Variants in MECOM observed in about 807,000 individuals in gnomAD.
MECOM encodes the protein MDS1 and EVI1 complex locus, also known as histone-lysine N-methyltransferase MECOM.
MECOM carries 13 observed loss-of-function variants against 116.3 expected under a neutral mutation model. The ratio of observed to expected loss-of-function variants is 0.11; its 90% confidence interval spans 0.07 to 0.18. MECOM has a LOEUF of 0.18. Among genes scored for constraint, MECOM ranks in the 10% least tolerant of loss-of-function variants. The probability of loss-of-function intolerance (pLI) is 1.00; values close to 1 mark genes in which losing one functional copy is unlikely to be tolerated. For synonymous variants in MECOM, 528 were observed against 535.2 expected (o/e 0.99, Z 0.19); for missense variants, 1,299 against 1,509.0 (o/e 0.86, Z 2.31).
At chr3:169,452,785 C>T (rs940730768) in intron 1 of MECOM, among the ~76,000 whole-genome samples, 10 of 152,142 alleles carry the variant, frequency 6.6e-5, no homozygotes, top group African/African-American at 2.4e-4. Flanking sequence ...GGGTATCATC[C>T]TTATTTTCAT....
chr3:169,567,398 A>G (rs369781269), intron 1 of MECOM, among the ~76,000 whole-genome samples: 12 of 152,154 alleles, frequency 7.9e-5, no homozygotes, highest in African/African-American at 1.7e-4. Flanking sequence ...CCGACTGAAG[A>G]CTCTTTTAAT....
intron 2 of MECOM, among the ~76,000 whole-genome samples, chr3:169,267,761 C>T (rs1758487252): frequency 7.7e-6 from 1 of 129,848 alleles, no homozygotes; most frequent in African/African-American, 4.7e-5. Flanking sequence ...TAGCATAGTC[C>T]ATTTTTTTTT....
intron 1 of MECOM, among the ~76,000 whole-genome samples, chr3:169,491,852 C>G (rs937451025): frequency 6.6e-6 from 1 of 152,200 alleles, no homozygotes; most frequent in Non-Finnish European, 1.5e-5. Flanking sequence ...CTATGAATCA[C>G]ATCACATTCA....
chr3:169,276,492 G>A (rs770477318), intron 2 of MECOM, among the ~76,000 whole-genome samples: 2 of 148,616 alleles, frequency 1.3e-5, no homozygotes, highest in African/African-American at 5.0e-5. Context: ...GGCAGAGGTT[G>A]CAGTGAGCTG....
Position 169,310,075 on chromosome 3 carries a change from C to T in MECOM, c.375+71112G>A, listed in dbSNP as rs191739962. ...ACTGTTAATACCCAGTGTTCCTTAA[C>T]TCTCTGTAACTACTAAAAGTAACCA... On this transcript the variant is annotated intron_variant, in intron 2 of 16. Transcript: ENST00000651503. 8.5e-5 allele frequency among the ~76,000 whole-genome samples: 13 copies of T among 152,308 alleles called. No individual in the cohort carries two copies. In the East Asian group the frequency reaches 2.3e-3, roughly 27 times the overall value.
At chr3:169,122,923 G>A (rs1358662991) in intron 5 of MECOM, among the ~76,000 whole-genome samples, 196 bp from the exon 6 acceptor site, 2 of 152,112 alleles carry the variant, frequency 1.3e-5, no homozygotes, top group Non-Finnish European at 2.9e-5. Context: ...CCTGGACTGT[G>A]TCACCAATAT....
At chr3:169,479,677 AT>A in intron 1 of MECOM, among the ~76,000 whole-genome samples, 1 of 122,864 alleles carries the variant, frequency 8.1e-6, no homozygotes, top group African/African-American at 3.0e-5. Flanking sequence ...AAAAAAAAAA[AT>A]TTGCCTGATT....
intron 2 of MECOM, among the ~76,000 whole-genome samples, chr3:169,241,208 G>A (rs574403698): frequency 2.6e-4 from 39 of 152,164 alleles, no homozygotes; most frequent in Non-Finnish European, 4.6e-4. Context: ...TTGAATAAGC[G>A]TTCAATCTTC....
rs185845703 is a variant in MECOM at position 169,568,629 on chromosome 3, G to A, written c.37+94707C>T. Among the ~76,000 whole-genome samples the A allele has an allele frequency of 4.9e-3, 743 of 152,230 alleles. 6 individuals are homozygous for A. Among genetic ancestry groups the A allele is most frequent in the African/African-American group, 0.016 (685 of 41,540 alleles). ...AACTTCCAACTAGGCACTGCCCACC[G>A]CAGCTCAGCAAAGCCACTGTAGCCA... On this transcript the variant is annotated intron_variant, in intron 1 of 16. Coordinates refer to ENST00000651503, the MANE Select transcript of MECOM (RefSeq NM_004991.4).
intron 2 of MECOM, among the ~76,000 whole-genome samples, chr3:169,176,134 C>T (rs1224225727): frequency 6.7e-6 from 1 of 149,026 alleles, no homozygotes; most frequent in East Asian, 2.0e-4. Flanking sequence ...CACACACACA[C>T]ATACACACCA....
intron 2 of MECOM, among the ~76,000 whole-genome samples, chr3:169,199,116 G>A (rs891179912): frequency 6.6e-6 from 1 of 152,002 alleles, no homozygotes; most frequent in Non-Finnish European, 1.5e-5. Flanking sequence ...AACATGTGGA[G>A]CATACTTATT....
intron 1 of MECOM, among the ~76,000 whole-genome samples, chr3:169,501,596 G>T (rs1754540438): frequency 6.6e-6 from 1 of 151,966 alleles, no homozygotes; most frequent in Non-Finnish European, 1.5e-5. Flanking sequence ...ATTGCATCTA[G>T]CTCAACAAGC....
intron 14 of MECOM, among the ~76,000 whole-genome samples, chr3:169,091,786 T>TA (rs1277873415): frequency 6.6e-6 from 1 of 152,096 alleles, no homozygotes; most frequent in African/African-American, 2.4e-5. Context: ...AGTGGTCATT[T>TA]TTTTTGTTAT....
At chr3:169,327,406 A>G (rs1026041220) in intron 2 of MECOM, among the ~76,000 whole-genome samples, 2 of 152,106 alleles carry the variant, frequency 1.3e-5, no homozygotes, top group Admixed American at 6.6e-5. Flanking sequence ...TTGGGAGGCC[A>G]AGGTGGGCAG....
At chr3:169,436,497 G>A (rs949898535) in intron 1 of MECOM, among the ~76,000 whole-genome samples, 1 of 152,090 alleles carries the variant, frequency 6.6e-6, no homozygotes, top group Non-Finnish European at 1.5e-5. Flanking sequence ...TGATCTGCCT[G>A]CTTCAGCCTC....
intron 1 of MECOM, among the ~76,000 whole-genome samples, chr3:169,399,180 T>C (rs971869908): frequency 6.6e-6 from 1 of 152,194 alleles, no homozygotes; most frequent in Non-Finnish European, 1.5e-5. Context: ...CTTCCCTCAG[T>C]GGCTGTAAAT....
At position 169,433,411 on chromosome 3, in the gene MECOM, T is replaced by C. The variant is rs182903880; in HGVS notation, c.38-51887A>G. Among the ~76,000 whole-genome samples, 298 of 151,776 alleles carry C rather than the reference T, an allele frequency of 2.0e-3. 2 individuals are homozygous for C. The highest frequency in any genetic ancestry group is 5.4e-3 in the Admixed American group (82 of 15,224). On this transcript the variant is annotated intron_variant, in intron 1 of 16. Coordinates refer to ENST00000651503, the MANE Select transcript of MECOM (RefSeq NM_004991.4). ...CAAACTCAGGAGGCAGAGGTTGCAG[T>C]GAGCAGAGATCACGCCATTGCACTC...
chr3:169,448,890 T>C (rs1437523482), intron 1 of MECOM, among the ~76,000 whole-genome samples: 2 of 152,176 alleles, frequency 1.3e-5, no homozygotes, highest in African/African-American at 2.4e-5. Context: ...CTTTCCATAA[T>C]ACATTTGGCT....
At chr3:169,385,573 T>A (rs1733190935) in intron 1 of MECOM, among the ~76,000 whole-genome samples, 1 of 152,118 alleles carries the variant, frequency 6.6e-6, no homozygotes, top group Admixed American at 6.6e-5. Context: ...TTCAATGTAA[T>A]CTAGCATTAT....
Sources: allele counts gnomAD v4.1 joint callset (sites outside exome capture counted in the v4.1 genomes callset), GRCh38; gene constraint gnomAD v4.1.1; transcripts MANE v1.5; gene names NCBI Gene and HGNC (gene_info 2026-07-23, HGNC 2026-07-21).